The following CNTNAP4 variants were observed in gnomAD, a reference collection of about 807,000 sequenced individuals.
CNTNAP4 encodes the protein contactin-associated protein-like 4.
Under a neutral mutation model 148.4 loss-of-function variants are expected in CNTNAP4, and 98 were observed. The observed-to-expected ratio is 0.66, with a 90% CI of 0.56 to 0.78. The LOEUF (loss-of-function observed/expected upper bound fraction) is 0.78. Ranked by LOEUF, CNTNAP4 falls within the 30% of genes least tolerant of loss-of-function variation. CNTNAP4 has a pLI of 0.00. For synonymous variants in CNTNAP4, 730 were observed against 565.1 expected (o/e 1.29, Z -4.14); for missense variants, 1,935 against 1,565.6 (o/e 1.24, Z -3.98).
chr16:76,365,646 C>T (rs375631326), intron 3 of CNTNAP4, among the ~76,000 whole-genome samples: 4 of 149,478 alleles, frequency 2.7e-5, no homozygotes, highest in East Asian at 2.0e-4. Flanking sequence ...CAGCTACTTG[C>T]GAGGCTGAGG....
At chr16:76,471,582 G>A (rs976842037) in intron 10 of CNTNAP4, among the ~76,000 whole-genome samples, 5 of 152,062 alleles carry the variant, frequency 3.3e-5, no homozygotes, top group East Asian at 1.9e-4. Flanking sequence ...CCATGGCACC[G>A]TCCTCCATCC....
chr16:76,520,229 C>T (rs1490723969), intron 15 of CNTNAP4, among the ~76,000 whole-genome samples: 2 of 152,142 alleles, frequency 1.3e-5, no homozygotes, highest in East Asian at 3.9e-4. Context: ...TGTATCCAGT[C>T]GGATTTCACT....
rs773018451 is a variant in CNTNAP4, at chr16:76,452,751, C to T, written c.1315C>T (p.Pro439Ser). ...GAATCTCTACCAGCCAGGAAAATTA[C>T]CCAGTGACATCACAGCAGGTAATAA... The part of the protein sequence containing the change: ...KSNLYQPGKL[P>S]SDITAGVELN... Residue 439 changes from proline (P) to serine (S), a missense_variant, in exon 8 of 24, where the codon CCC (proline) becomes TCC (serine). Physicochemically the swap from Pro to Ser is moderately conservative, Grantham distance 74. Coordinates refer to ENST00000611870, the MANE Select transcript of CNTNAP4 (RefSeq NM_033401.5). 11 of 1,593,520 alleles carry T rather than the reference C, an allele frequency of 6.9e-6. No homozygotes were observed. Among genetic ancestry groups the T allele is most frequent in the South Asian group, 5.7e-5 (5 of 88,078 alleles).
At chr16:76,399,782 T>G (rs1021533731) in intron 3 of CNTNAP4, among the ~76,000 whole-genome samples, 2 of 152,224 alleles carry the variant, frequency 1.3e-5, no homozygotes, top group African/African-American at 4.8e-5. Context: ...TTTGTTATGC[T>G]TAACTGAATA....
intron 1 of CNTNAP4, among the ~76,000 whole-genome samples, chr16:76,311,919 T>G (rs966864097): frequency 2.6e-5 from 4 of 152,228 alleles, no homozygotes; most frequent in Non-Finnish European, 4.4e-5. Context: ...AATGCAATTA[T>G]GTTTTAGGCT....
Position 76,498,618 on chromosome 16 carries a change from G to C in CNTNAP4, c.2289G>C (p.Lys763Asn). ...ATAAAGAACATCTTCCAGTAACTAAGATCGTGATTACAGACACAGGCCGAC... is the reference window on the plus strand; with the variant it reads ...ATAAAGAACATCTTCCAGTAACTAACATCGTGATTACAGACACAGGCCGAC... ...LAYKEHLPVT[K>N]IVITDTGRLH... The change falls in exon 15 of 24, where the codon AAG becomes AAC. Residue 763 changes from lysine (K) to asparagine (N), a missense_variant. By Grantham distance (94) the Lys-to-Asn change is moderately conservative (BLOSUM62 0). Transcript: ENST00000611870. 6.2e-7 allele frequency: 1 copy of C among 1,612,802 alleles called. No homozygotes were observed. The highest frequency in any genetic ancestry group is 8.5e-7 in the Non-Finnish European group (1 of 1,179,296).
At chr16:76,309,964 A>G (rs1960920994) in intron 1 of CNTNAP4, 1 of 690,982 alleles carries the variant, frequency 1.4e-6, no homozygotes, top group Non-Finnish European at 2.6e-6. Flanking sequence ...TATCAGCAGC[A>G]TGGAAACGGA....
In CNTNAP4 at chr16:76,418,574, T is replaced by A. The variant is rs1470671352; in HGVS notation, c.391-8878T>A. On this transcript the variant is annotated intron_variant, in intron 3 of 23. Coordinates refer to ENST00000611870, the MANE Select transcript of CNTNAP4 (RefSeq NM_033401.5). ...CTTTTGCAGAGTTTTCATCTCTCGA[T>A]TACATTACCCATCTGTTTTTGCATG... Among the ~76,000 whole-genome samples, 3 of 151,872 alleles carry A rather than the reference T, an allele frequency of 2.0e-5. No homozygotes were observed. The East Asian group carries it at 5.8e-4, about 29-fold the overall frequency.
At chr16:76,298,274 G>C (rs760013681) in intron 1 of CNTNAP4, among the ~76,000 whole-genome samples, 1 of 152,128 alleles carries the variant, frequency 6.6e-6, no homozygotes, top group Non-Finnish European at 1.5e-5. Flanking sequence ...AACCTGAATA[G>C]AACTGTGTGT....
chr16:76,284,571 GA>G (rs1214254949), intron 1 of CNTNAP4, among the ~76,000 whole-genome samples: 1 of 151,926 alleles, frequency 6.6e-6, no homozygotes, highest in East Asian at 1.9e-4. Context: ...AAAATCTTAA[GA>G]AATAGTAGTT....
chr16:76,422,564 G>A (rs532302720), intron 3 of CNTNAP4, among the ~76,000 whole-genome samples: 2 of 152,226 alleles, frequency 1.3e-5, no homozygotes, highest in African/African-American at 4.8e-5. Flanking sequence ...TTCCTCTAGG[G>A]TAAGTTGTTT....
At chr16:76,481,661 A>G (rs1018604219) in intron 12 of CNTNAP4, among the ~76,000 whole-genome samples, 1 of 152,202 alleles carries the variant, frequency 6.6e-6, no homozygotes, top group African/African-American at 2.4e-5. Flanking sequence ...GTTAGAAGTC[A>G]ATATTTTATG....
chr16:76,377,933 C>T lies in CNTNAP4; in HGVS notation c.390+22422C>T, dbSNP rs142853134. Among the ~76,000 whole-genome samples the T allele has an allele frequency of 2.9e-3, 435 of 151,932 alleles. 4 individuals carry two copies. Among genetic ancestry groups the T allele is most frequent in the African/African-American group, 0.01 (422 of 41,268 alleles). ...CTAGTGGCATTATGCAAAGCTTTGT[C>T]TGTGCATTGTCCCACATTTCATTTT... On this transcript the variant is annotated intron_variant, in intron 3 of 23. Transcript: ENST00000611870.
At chr16:76,500,762 A>G (rs2082606617) in intron 15 of CNTNAP4, among the ~76,000 whole-genome samples, 2 of 150,674 alleles carry the variant, frequency 1.3e-5, no homozygotes, top group South Asian at 4.2e-4. Flanking sequence ...TTCCATATAT[A>G]CATATATATG....
chr16:76,329,540 T>C (rs1463520927), intron 2 of CNTNAP4, among the ~76,000 whole-genome samples: 2 of 152,204 alleles, frequency 1.3e-5, no homozygotes, highest in African/African-American at 2.4e-5. Context: ...GAAAAAATTG[T>C]GTGATTTTTA....
chr16:76,311,576 T>C (rs1961116694), intron 1 of CNTNAP4, among the ~76,000 whole-genome samples: 1 of 152,210 alleles, frequency 6.6e-6, no homozygotes, highest in Non-Finnish European at 1.5e-5. Flanking sequence ...GTTTTACTAC[T>C]TCCAACTGAT....
chr16:76,410,264 TGAG>T (rs1038566299), intron 3 of CNTNAP4, among the ~76,000 whole-genome samples: 19 of 151,890 alleles, frequency 1.3e-4, no homozygotes, highest in East Asian at 1.9e-4. Flanking sequence ...CTACAAAGAT[TGAG>T]AAGATTTTTT....
intron 9 of CNTNAP4, 51 bp downstream of exon 9, chr16:76,462,156 T>C (rs144901922): frequency 2.7e-6 from 4 of 1,501,890 alleles, no homozygotes; most frequent in East Asian, 4.6e-5. Flanking sequence ...TTTGCATTAG[T>C]GCCCCCGTGT....
At chr16:76,382,936 A>G (rs1473402664) in intron 3 of CNTNAP4, among the ~76,000 whole-genome samples, 2 of 152,174 alleles carry the variant, frequency 1.3e-5, no homozygotes, top group Admixed American at 6.5e-5. Context: ...TCACTGGCCA[A>G]ATGAAGTAAT....
Sources: gnomAD v4.1 joint callset for allele counts (sites outside exome capture counted in the v4.1 genomes callset) on GRCh38, gnomAD v4.1.1 for gene constraint, MANE v1.5 for transcripts, NCBI Gene and HGNC (gene_info 2026-07-23, HGNC 2026-07-21) for gene names.